HCN1: variants seen among roughly 807,000 people sequenced by gnomAD.
HCN1 encodes potassium/sodium hyperpolarization-activated cyclic nucleotide-gated channel 1.
A neutral mutation model predicts 78.9 loss-of-function variants in HCN1; 13 were observed. That is an observed-to-expected ratio of 0.16 (90% CI 0.11 to 0.26). The LOEUF (loss-of-function observed/expected upper bound fraction) is 0.26, where lower values mean the gene tolerates loss of function less well. HCN1 is among the 10% of genes least tolerant of loss of function. The pLI is 1.00. For synonymous variants in HCN1, 552 were observed against 455.5 expected (o/e 1.21, Z -2.70); for missense variants, 810 against 1,154.3 (o/e 0.70, Z 4.32).
At chr5:45,503,075 T>G (rs1742223907) in intron 2 of HCN1, among the ~76,000 whole-genome samples, 1 of 152,222 alleles carries the variant, frequency 6.6e-6, no homozygotes, top group South Asian at 2.1e-4. Context: ...TGAAACTTAT[T>G]GTAGGATAAC....
At chr5:45,513,471 A>T (rs1742456791) in intron 2 of HCN1, among the ~76,000 whole-genome samples, 8 of 152,136 alleles carry the variant, frequency 5.3e-5, no homozygotes, top group Admixed American at 5.2e-4. Context: ...AAACCATCAA[A>T]GCCAGACAAA....
At chr5:45,506,096 G>C (rs1742290095) in intron 2 of HCN1, among the ~76,000 whole-genome samples, 1 of 152,048 alleles carries the variant, frequency 6.6e-6, no homozygotes, top group African/African-American at 2.4e-5. Context: ...TTAGATAAAT[G>C]ATAACTGTAA....
At chr5:45,504,310 C>A (rs1024126536) in intron 2 of HCN1, among the ~76,000 whole-genome samples, 1 of 152,114 alleles carries the variant, frequency 6.6e-6, no homozygotes, top group South Asian at 2.1e-4. Context: ...TCCAAGTGTT[C>A]TCATTGTTCA....
chr5:45,631,375 C>G (rs1561226260), intron 2 of HCN1, among the ~76,000 whole-genome samples: 1 of 152,110 alleles, frequency 6.6e-6, no homozygotes, highest in Non-Finnish European at 1.5e-5. Flanking sequence ...ACAGAGCTAT[C>G]TATCTCCCTG....
intron 1 of HCN1, among the ~76,000 whole-genome samples, chr5:45,675,445 C>A (rs750518492): frequency 2.0e-5 from 3 of 151,732 alleles, no homozygotes; most frequent in Non-Finnish European, 4.4e-5. Flanking sequence ...CATCCAAAAG[C>A]CAAAACCCAA....
chr5:45,499,319 G>A (rs1742136855), intron 2 of HCN1, among the ~76,000 whole-genome samples: 1 of 152,224 alleles, frequency 6.6e-6, no homozygotes, highest in Non-Finnish European at 1.5e-5. Flanking sequence ...GGTTGGAAAA[G>A]CGTAGTATTC....
chr5:45,510,772 G>A (rs1422165863), intron 2 of HCN1, among the ~76,000 whole-genome samples: 1 of 151,964 alleles, frequency 6.6e-6, no homozygotes, highest in African/African-American at 2.4e-5. Context: ...TAGAAGAAGG[G>A]TATGTCTCCT....
intron 7 of HCN1, among the ~76,000 whole-genome samples, chr5:45,263,246 T>C (rs1368100942): frequency 6.6e-6 from 1 of 152,070 alleles, no homozygotes; most frequent in African/African-American, 2.4e-5. Flanking sequence ...AGACCTTAGG[T>C]AGATGATTTT....
At chr5:45,375,800 T>C (rs1249316746) in intron 4 of HCN1, among the ~76,000 whole-genome samples, 3 of 120,536 alleles carry the variant, frequency 2.5e-5, no homozygotes, top group African/African-American at 6.5e-5. Context: ...TTTTATGATA[T>C]ATCTTATATA....
intron 5 of HCN1, among the ~76,000 whole-genome samples, chr5:45,346,715 C>T (rs1161026781): frequency 1.3e-5 from 2 of 152,222 alleles, no homozygotes; most frequent in Admixed American, 6.5e-5. Context: ...AGATTATATC[C>T]TGCACCTGGC....
At chr5:45,562,379 A>C (rs2111882877) in intron 2 of HCN1, among the ~76,000 whole-genome samples, 1 of 152,262 alleles carries the variant, frequency 6.6e-6, no homozygotes, top group African/African-American at 2.4e-5. Context: ...TTTAAAATTT[A>C]GGTAAATTCT....
chr5:45,536,034 C>T (rs937754382), intron 2 of HCN1, among the ~76,000 whole-genome samples: 2 of 152,116 alleles, frequency 1.3e-5, no homozygotes, highest in African/African-American at 4.8e-5. Context: ...ATCCCTTTAA[C>T]TTTAAAGATA....
At chr5:45,480,259 C>A (rs1047679471) in intron 2 of HCN1, 2 of 152,306 alleles carry the variant, frequency 1.3e-5, no homozygotes, top group African/African-American at 2.4e-5. Flanking sequence ...CAAAAGTTAT[C>A]AGTGGTTTCT....
chr5:45,290,400 C>T (rs1745347100), intron 6 of HCN1, among the ~76,000 whole-genome samples: 1 of 152,006 alleles, frequency 6.6e-6, no homozygotes, highest in Admixed American at 6.6e-5. Context: ...TTTGAGACTA[C>T]AGTTTCAACA....
At chr5:45,434,129 G>A (rs1412908665) in intron 3 of HCN1, among the ~76,000 whole-genome samples, 1 of 152,094 alleles carries the variant, frequency 6.6e-6, no homozygotes. Context: ...TCTCCTCTAG[G>A]GAGAGTACAA....
At chr5:45,356,565 T>C (rs1747010903) in intron 4 of HCN1, among the ~76,000 whole-genome samples, 1 of 151,982 alleles carries the variant, frequency 6.6e-6, no homozygotes, top group African/African-American at 2.4e-5. Flanking sequence ...CAGGCATTGT[T>C]TATAAACTAA....
chr5:45,392,832 C>T (rs557375866), intron 4 of HCN1, among the ~76,000 whole-genome samples: 2 of 150,402 alleles, frequency 1.3e-5, no homozygotes, highest in East Asian at 3.9e-4. Flanking sequence ...CCAAGATTAA[C>T]AAAACTTGAT....
intron 2 of HCN1, among the ~76,000 whole-genome samples, chr5:45,627,142 C>G (rs955062006): frequency 6.6e-6 from 1 of 152,062 alleles, no homozygotes; most frequent in Non-Finnish European, 1.5e-5. Flanking sequence ...GGAAGAAATA[C>G]AATTCCGTAA....
chr5:45,409,400 C>A (rs1332977115), intron 3 of HCN1, among the ~76,000 whole-genome samples: 1 of 151,884 alleles, frequency 6.6e-6, no homozygotes, highest in African/African-American at 2.4e-5. Flanking sequence ...TATAGACAAA[C>A]TTAAACTATA....
Sources: allele counts gnomAD v4.1 joint callset (sites outside exome capture counted in the v4.1 genomes callset), GRCh38; gene constraint gnomAD v4.1.1; transcripts MANE v1.5; gene names NCBI Gene and HGNC (gene_info 2026-07-23, HGNC 2026-07-21).